SCN8A: variants seen among roughly 807,000 people sequenced by gnomAD.
SCN8A encodes the protein sodium channel protein type 8 subunit alpha.
A neutral mutation model predicts 184.1 loss-of-function variants in SCN8A; 30 were observed. The observed-to-expected ratio is 0.16, with a 90% confidence interval of 0.12 to 0.22. SCN8A has a LOEUF of 0.22. Among genes scored for constraint, SCN8A ranks in the 10% least tolerant of loss-of-function variants. The pLI is 1.00. For synonymous variants in SCN8A, 852 were observed against 907.0 expected (o/e 0.94, Z 1.09); for missense variants, 1,057 against 2,498.9 (o/e 0.42, Z 12.30).
At chr12:51,602,748 G>T (rs895214284) in intron 1 of SCN8A, among the ~76,000 whole-genome samples, 1 of 152,126 alleles carries the variant, frequency 6.6e-6, no homozygotes, top group Non-Finnish European at 1.5e-5. Context: ...CTGCTTTCTA[G>T]TGTGGCTTTG....
intron 12 of SCN8A, among the ~76,000 whole-genome samples, chr12:51,740,961 T>C (rs1942412895): frequency 6.6e-6 from 1 of 152,112 alleles, no homozygotes; most frequent in South Asian, 2.1e-4. Context: ...ATTTTTGTAT[T>C]TTTTTGTAGA....
At chr12:51,629,652 G>C (rs1940157650) in intron 1 of SCN8A, among the ~76,000 whole-genome samples, 1 of 150,230 alleles carries the variant, frequency 6.7e-6, no homozygotes, top group African/African-American at 2.5e-5. Flanking sequence ...GTGGTGTTCT[G>C]TTTCCTTCCA....
intron 14 of SCN8A, among the ~76,000 whole-genome samples, chr12:51,757,570 G>C (rs1942695891): frequency 6.6e-6 from 1 of 152,122 alleles, no homozygotes; most frequent in Non-Finnish European, 1.5e-5. Flanking sequence ...CCAATCTTAG[G>C]ACTATATAGG....
intron 1 of SCN8A, among the ~76,000 whole-genome samples, chr12:51,592,258 T>C (rs1029765982): frequency 1.3e-5 from 2 of 151,798 alleles, no homozygotes; most frequent in African/African-American, 4.8e-5. Context: ...CAGTTTCTCC[T>C]GAGAGCTCAG....
At chr12:51,689,343 A>G in intron 6 of SCN8A, 1 of 444,146 alleles carries the variant, frequency 2.3e-6, no homozygotes, top group Non-Finnish European at 4.0e-6. Context: ...AATCACTTGG[A>G]TCTCACCATA....
intron 12 of SCN8A, among the ~76,000 whole-genome samples, chr12:51,744,440 A>G (rs562826261): frequency 6.6e-6 from 1 of 152,120 alleles, no homozygotes; most frequent in Non-Finnish European, 1.5e-5. Flanking sequence ...GGCCACCACC[A>G]CAAGTCATTC....
intron 24 of SCN8A, 137 bp from the exon 25 acceptor site, chr12:51,790,260 AC>A: frequency 1.8e-6 from 1 of 564,890 alleles, no homozygotes. Context: ...TCGCGGGTCT[AC>A]CCCACTCTGG....
At chr12:51,638,514 G>A (rs1013102468) in intron 1 of SCN8A, among the ~76,000 whole-genome samples, 5 of 149,400 alleles carry the variant, frequency 3.3e-5, no homozygotes, top group African/African-American at 1.2e-4. Context: ...TTGAGACGGA[G>A]TCTCGCTCTG....
At chr12:51,710,391 A>G (rs537735623) in intron 11 of SCN8A, among the ~76,000 whole-genome samples, 5 of 152,196 alleles carry the variant, frequency 3.3e-5, no homozygotes, top group Non-Finnish European at 7.4e-5. Flanking sequence ...GTTGGCCAGC[A>G]CAGTGGCTCA....
At chr12:51,612,337 A>G (rs1250427207) in intron 1 of SCN8A, among the ~76,000 whole-genome samples, 2 of 151,952 alleles carry the variant, frequency 1.3e-5, no homozygotes, top group Non-Finnish European at 2.9e-5. Flanking sequence ...AATTTTTAAA[A>G]TTTTTTTGTA....
chr12:51,714,932 G>A (rs1049026717), intron 11 of SCN8A, among the ~76,000 whole-genome samples: 1 of 152,210 alleles, frequency 6.6e-6, no homozygotes, highest in Non-Finnish European at 1.5e-5. Context: ...AAAAGAGGGA[G>A]TAAGGCCTAC....
intron 14 of SCN8A, among the ~76,000 whole-genome samples, chr12:51,754,745 T>G (rs74091645): frequency 0.022 from 3,354 of 152,312 alleles, 109 homozygotes; most frequent in African/African-American, 0.073. Context: ...TACAGGTCAT[T>G]TGTTATGTAG....
chr12:51,638,651 T>A (rs1940372599), intron 1 of SCN8A, among the ~76,000 whole-genome samples: 2 of 152,022 alleles, frequency 1.3e-5, no homozygotes, highest in Admixed American at 1.3e-4. Context: ...CACACCCAAC[T>A]AATTTTTGTA....
chr12:51,604,342 A>G (rs144319484), intron 1 of SCN8A, among the ~76,000 whole-genome samples: 1,925 of 152,134 alleles, frequency 0.013, 45 homozygotes, highest in African/African-American at 0.042. Context: ...TCCTGAATTG[A>G]TTTTGGACTT....
intron 1 of SCN8A, among the ~76,000 whole-genome samples, chr12:51,624,973 A>T (rs1471125579): frequency 6.6e-6 from 1 of 151,964 alleles, no homozygotes; most frequent in Non-Finnish European, 1.5e-5. Flanking sequence ...ATACATTTAT[A>T]ATATGTTAGG....
chr12:51,721,122 T>TTATA (rs571819139), intron 11 of SCN8A, among the ~76,000 whole-genome samples: 1 of 106,110 alleles, frequency 9.4e-6, no homozygotes, highest in African/African-American at 4.1e-5. Flanking sequence ...TTATTTATTG[T>TTATA]TATATATATA....
chr12:51,712,870 C>T, intron 11 of SCN8A: 1 of 1,501,188 alleles, frequency 6.7e-7, no homozygotes, highest in Non-Finnish European at 9.3e-7. Flanking sequence ...ATAGCCTCCT[C>T]TTCCACCAAA....
intron 6 of SCN8A, among the ~76,000 whole-genome samples, chr12:51,693,496 G>A (rs558294543): frequency 1.3e-5 from 2 of 152,254 alleles, no homozygotes; most frequent in East Asian, 3.9e-4. Flanking sequence ...TGTAGGCTGG[G>A]TGCAGTGGTA....
intron 12 of SCN8A, among the ~76,000 whole-genome samples, chr12:51,725,111 A>T (rs1159721842): frequency 6.6e-6 from 1 of 152,216 alleles, no homozygotes; most frequent in African/African-American, 2.4e-5. Flanking sequence ...CAGGAAGATG[A>T]GGTAGGCAAG....
Sources: gnomAD v4.1 joint callset for allele counts (sites outside exome capture counted in the v4.1 genomes callset) on GRCh38, gnomAD v4.1.1 for gene constraint, MANE v1.5 for transcripts, NCBI Gene and HGNC (gene_info 2026-07-23, HGNC 2026-07-21) for gene names.